Variants in CCDC141 observed in about 807,000 individuals in gnomAD.
CCDC141 encodes coiled-coil domain-containing protein 141.
CCDC141 carries 168 observed loss-of-function variants against 181.0 expected under a neutral mutation model. The observed-to-expected ratio is 0.93, with a 90% CI of 0.82 to 1.05. The LOEUF (loss-of-function observed/expected upper bound fraction) is 1.05. CCDC141 is among the 50% of genes least tolerant of loss of function. The probability of loss-of-function intolerance (pLI) is 0.00; values close to 1 mark genes in which losing one functional copy is unlikely to be tolerated. For synonymous variants in CCDC141, 666 were observed against 642.3 expected (o/e 1.04, Z -0.56); for missense variants, 1,902 against 1,788.5 (o/e 1.06, Z -1.14).
intron 2 of CCDC141, among the ~76,000 whole-genome samples, chr2:179,014,178 A>G (rs1420699882): frequency 6.6e-6 from 1 of 151,926 alleles, no homozygotes; most frequent in Non-Finnish European, 1.5e-5. Flanking sequence ...GGGAAAGGAC[A>G]CCCTTTTCAA....
intron 6 of CCDC141, among the ~76,000 whole-genome samples, chr2:178,938,631 C>T (rs1689386319): frequency 6.6e-6 from 1 of 152,076 alleles, no homozygotes; most frequent in Non-Finnish European, 1.5e-5. Flanking sequence ...ATGTTGAGTT[C>T]AGATATTAAA....
At chr2:179,003,365 A>T (rs1306248319) in intron 2 of CCDC141, among the ~76,000 whole-genome samples, 1 of 152,194 alleles carries the variant, frequency 6.6e-6, no homozygotes, top group East Asian at 1.9e-4. Context: ...TGGAGTCCAC[A>T]TTCTGGTTCC....
chr2:178,910,108 T>G (rs555530440), intron 7 of CCDC141, among the ~76,000 whole-genome samples: 1 of 152,302 alleles, frequency 6.6e-6, no homozygotes, highest in Admixed American at 6.5e-5. Flanking sequence ...ACCTTTCCTT[T>G]TTCACTTGTT....
intron 3 of CCDC141, among the ~76,000 whole-genome samples, chr2:178,977,288 A>C (rs1249557721): frequency 6.6e-6 from 1 of 152,192 alleles, no homozygotes; most frequent in African/African-American, 2.4e-5. Flanking sequence ...ACTAAAACAC[A>C]GTGAGAAACA....
At chr2:178,932,337 T>A (rs1317499852) in intron 6 of CCDC141, among the ~76,000 whole-genome samples, 1 of 152,116 alleles carries the variant, frequency 6.6e-6, no homozygotes, top group Non-Finnish European at 1.5e-5. Context: ...ATATCAGAAG[T>A]AAGCAGAGAT....
At chr2:179,009,395 C>G (rs2042203979) in intron 2 of CCDC141, among the ~76,000 whole-genome samples, 3 of 152,252 alleles carry the variant, frequency 2.0e-5, no homozygotes, top group Middle Eastern at 3.4e-3. Context: ...GGTATGCTCT[C>G]TCAGAGGGAA....
chr2:178,853,452 T>G lies in CCDC141; in HGVS notation c.3233A>C (p.Gln1078Pro), dbSNP rs1364855585. 4 of 1,614,030 alleles carry G rather than the reference T, an allele frequency of 2.5e-6. No individual in the cohort carries two copies. The highest frequency in any genetic ancestry group is 3.4e-6 in the Non-Finnish European group (4 of 1,179,932). Residue 1078 changes from glutamine (Q) to proline (P), a missense_variant, in exon 20 of 24, where the codon CAG (glutamine) becomes CCG (proline). Coordinates refer to ENST00000443758, the MANE Select transcript of CCDC141 (RefSeq NM_173648.4). ...AAAAGAGATCTCACCATATAAGTGC[T>G]GAGCAAGGTCAGTGGCCTCCTGAAT... ...ERIQEATDLAQHLYGLEEGQK... is the reference protein window; with the variant it reads ...ERIQEATDLAPHLYGLEEGQK...
intron 11 of CCDC141, among the ~76,000 whole-genome samples, chr2:178,878,478 A>ATTTT (rs766496516): frequency 0.16 from 18,745 of 114,424 alleles, 2,327 homozygotes; most frequent in African/African-American, 0.24. Flanking sequence ...GGCCTGGCTA[A>ATTTT]TTTTTTTTTT....
chr2:178,825,823 A>C (rs1445608755), downstream of CCDC141, among the ~76,000 whole-genome samples: 1 of 152,148 alleles, frequency 6.6e-6, no homozygotes, highest in Non-Finnish European at 1.5e-5. Flanking sequence ...CAGTTGTTGC[A>C]GATCTTCTGC....
chr2:178,845,853 T>A (rs1684917692), intron 21 of CCDC141, 111 bp from the exon 22 acceptor site: 1 of 729,576 alleles, frequency 1.4e-6, no homozygotes, highest in Non-Finnish European at 2.5e-6. Context: ...TCAGCAAATA[T>A]ATTCCACAAG....
At chr2:178,947,399 C>T (rs565412247) in intron 5 of CCDC141, among the ~76,000 whole-genome samples, 3 of 152,238 alleles carry the variant, frequency 2.0e-5, no homozygotes, top group South Asian at 2.1e-4. Flanking sequence ...AAAAAGTATT[C>T]GAAGTATGCA....
At chr2:178,997,706 C>A (rs988782615) in intron 2 of CCDC141, among the ~76,000 whole-genome samples, 1 of 152,154 alleles carries the variant, frequency 6.6e-6, no homozygotes, top group Non-Finnish European at 1.5e-5. Context: ...CCATGATTCC[C>A]AGTTTTCCAA....
chr2:178,841,943 T>C (rs1684741710), intron 22 of CCDC141, among the ~76,000 whole-genome samples: 1 of 152,244 alleles, frequency 6.6e-6, no homozygotes, highest in Admixed American at 6.5e-5. Context: ...AGAAACATTA[T>C]TTTAAAACTC....
chr2:179,049,285 T>C (rs1292880028), intron 1 of CCDC141, among the ~76,000 whole-genome samples: 2 of 152,216 alleles, frequency 1.3e-5, no homozygotes, highest in African/African-American at 2.4e-5. Context: ...TCTTCGTTAC[T>C]GGACAAGGAT....
intron 4 of CCDC141, among the ~76,000 whole-genome samples, chr2:178,966,204 A>G (rs1451669871): frequency 6.6e-6 from 1 of 152,220 alleles, no homozygotes; most frequent in Non-Finnish European, 1.5e-5. Flanking sequence ...AGCAGACTTG[A>G]ACATCCCTGC....
intron 2 of CCDC141, among the ~76,000 whole-genome samples, chr2:179,018,351 T>C (rs1394432418): frequency 3.3e-5 from 5 of 152,152 alleles, no homozygotes; most frequent in Non-Finnish European, 7.4e-5. Flanking sequence ...GAGTCTCTAG[T>C]TTATAGAAAC....
chr2:178,916,416 T>TAAATA (rs1367472255), intron 7 of CCDC141, among the ~76,000 whole-genome samples: 2 of 151,998 alleles, frequency 1.3e-5, no homozygotes, highest in East Asian at 3.9e-4. Context: ...TTTTACAATA[T>TAAATA]AAATAAAAAA....
chr2:178,982,071 A>G (rs549403977), intron 2 of CCDC141, among the ~76,000 whole-genome samples: 7 of 152,150 alleles, frequency 4.6e-5, no homozygotes, highest in Non-Finnish European at 1.0e-4. Context: ...CTTGAAAGCC[A>G]CAATCTACCA....
chr2:178,918,598 T>C, intron 7 of CCDC141, 115 bp downstream of exon 7: 1 of 750,832 alleles, frequency 1.3e-6, no homozygotes, highest in Non-Finnish European at 2.1e-6. Context: ...TGCTATCAGT[T>C]TTGAAATTTT....
Sources: allele counts gnomAD v4.1 joint callset (sites outside exome capture counted in the v4.1 genomes callset), GRCh38; gene constraint gnomAD v4.1.1; transcripts MANE v1.5; gene names NCBI Gene and HGNC (gene_info 2026-07-23, HGNC 2026-07-21).